Variants in FRMPD2 observed in about 807,000 individuals in gnomAD.
FRMPD2 encodes FERM and PDZ domain containing 2.
A neutral mutation model predicts 140.1 loss-of-function variants in FRMPD2; 96 were observed. The ratio of observed to expected loss-of-function variants is 0.69; its 90% CI spans 0.58 to 0.81. The LOEUF (loss-of-function observed/expected upper bound fraction) is 0.81, where lower values mean the gene tolerates loss of function less well. FRMPD2 is among the 40% of genes least tolerant of loss of function. FRMPD2 has a pLI of 0.00. For missense variants in FRMPD2, 1,240 were observed against 1,447.4 expected (o/e 0.86, Z 2.32); for synonymous variants, 449 against 547.6 (o/e 0.82, Z 2.52).
chr10:48,171,465 G>T (rs1554791674), intron 25 of FRMPD2, among the ~76,000 whole-genome samples: 8 of 152,050 alleles, frequency 5.3e-5, no homozygotes, highest in Admixed American at 4.6e-4. Flanking sequence ...AAAGGAAAAA[G>T]CAAACAAAAA....
intron 1 of FRMPD2, among the ~76,000 whole-genome samples, chr10:48,266,162 T>A (rs912352948): frequency 1.3e-5 from 2 of 152,118 alleles, no homozygotes; most frequent in Non-Finnish European, 2.9e-5. Context: ...GGGAGCTAAA[T>A]GATGAGAACA....
intron 1 of FRMPD2, among the ~76,000 whole-genome samples, chr10:48,259,005 C>CA (rs1840533922): frequency 6.6e-6 from 1 of 152,224 alleles, no homozygotes; most frequent in Admixed American, 6.5e-5. Context: ...AGCAGACTGT[C>CA]TTCTTGACAT....
chr10:48,262,403 G>T (rs1840607592), intron 1 of FRMPD2, among the ~76,000 whole-genome samples: 2 of 152,116 alleles, frequency 1.3e-5, no homozygotes. Flanking sequence ...ATACAAAGGG[G>T]TATTACATAA....
chr10:48,171,365 A>G (rs1488879827), intron 25 of FRMPD2, among the ~76,000 whole-genome samples, 157 bp from the exon 26 acceptor site: 3 of 151,766 alleles, frequency 2.0e-5, no homozygotes, highest in Admixed American at 6.6e-5. Flanking sequence ...TGTATGTTAT[A>G]GATTAGTGCT....
Position 48,184,670 on chromosome 10 carries a change from A to G in FRMPD2, c.2480T>C (p.Leu827Pro). Residue 827 changes from leucine (L) to proline (P), a missense_variant, in exon 20 of 29, where the codon CTA (leucine) becomes CCA (proline). This residue lies in a region of FRMPD2 where 1,161 missense variants were observed against 1,055.9 expected (regional missense o/e 1.10). Coordinates refer to ENST00000374201, the MANE Select transcript of FRMPD2 (RefSeq NM_001018071.4). ...AKTIKPGGQI[L>P]ALNHISLEGF... ...CTCCAGACTGATGTGATTCAGGGCTAGTATCTGCCCTCCTAGAAAAATAAA... is the reference window on the plus strand; with the variant it reads ...CTCCAGACTGATGTGATTCAGGGCTGGTATCTGCCCTCCTAGAAAAATAAA... The G allele has an allele frequency of 2.5e-6, 4 of 1,610,316 alleles. No individual in the cohort carries two copies. Among genetic ancestry groups the G allele is most frequent in the Non-Finnish European group, 3.4e-6 (4 of 1,176,694 alleles).
At chr10:48,227,082 G>T (rs1383884748) in intron 10 of FRMPD2, among the ~76,000 whole-genome samples, 1 of 152,196 alleles carries the variant, frequency 6.6e-6, no homozygotes, top group African/African-American at 2.4e-5. Context: ...TCTATGGATA[G>T]TGCCTAGCTA....
At chr10:48,254,311 A>G (rs1730444) in intron 1 of FRMPD2, among the ~76,000 whole-genome samples, 6,799 of 152,274 alleles carry the variant, frequency 0.045, 501 homozygotes, top group African/African-American at 0.15. Context: ...AATAATCTGC[A>G]AGCTAGCAGG....
chr10:48,161,815 C>T (rs2262141), intron 28 of FRMPD2, among the ~76,000 whole-genome samples: 1 of 146,022 alleles, frequency 6.8e-6, no homozygotes, highest in Admixed American at 6.8e-5. Context: ...GATTTTCTGT[C>T]GTTTAATGAA....
chr10:48,189,569 G>A (rs1838779985), intron 16 of FRMPD2, among the ~76,000 whole-genome samples: 1 of 152,190 alleles, frequency 6.6e-6, no homozygotes, highest in African/African-American at 2.4e-5. Context: ...CCCCATGTGG[G>A]CCACCTCTCC....
chr10:48,242,185 G>A lies in FRMPD2; in HGVS notation c.543C>T (p.Gly181=), dbSNP rs766643106. The A allele has an allele frequency of 1.2e-6, 2 of 1,613,690 alleles. No individual in the cohort carries two copies. Among genetic ancestry groups the A allele is most frequent in the South Asian group, 2.2e-5 (2 of 90,960 alleles). Residue 181 remains glycine (G), a synonymous_variant, in exon 5 of 29, where the codon GGC becomes GGT. Coordinates refer to ENST00000374201, the MANE Select transcript of FRMPD2 (RefSeq NM_001018071.4). Reference sequence around the variant, plus strand: ...CCTCAGAAATGGTACCCAGAACCAAGCCAACCAGCCTTCTGATGTGGAGAC... The same window carrying A: ...CCTCAGAAATGGTACCCAGAACCAAACCAACCAGCCTTCTGATGTGGAGAC... The part of the protein sequence containing the change: ...PAGLHIRRLV[G]LVLGTISEVE...
At chr10:48,178,665 G>T (rs868951925) in intron 21 of FRMPD2, among the ~76,000 whole-genome samples, 1 of 152,170 alleles carries the variant, frequency 6.6e-6, no homozygotes, top group Middle Eastern at 3.2e-3. Context: ...TCTGGGTTGG[G>T]TCCTACAGCC....
In FRMPD2 at chr10:48,232,126, G is replaced by A. The variant is rs768541780; in HGVS notation, c.1157C>T (p.Ala386Val). The change falls in exon 10 of 29, where the codon GCG becomes GTG. Residue 386 changes from alanine to valine, a missense_variant. This residue lies in a region of FRMPD2 where 1,161 missense variants were observed against 1,055.9 expected (regional missense o/e 1.10). Transcript: ENST00000374201. ...CAAGAGATGCTTACTTTTCATATAC[G>A]CCAAGCCAAAGTAGGTGAGTTCCTC... ...NLEELTYFGL[A>V]YMKSKEFFFL... is the part of the protein sequence containing the mutation. The A allele has an allele frequency of 5.6e-6, 9 of 1,614,134 alleles. No homozygotes were observed. The highest frequency in any genetic ancestry group is 3.3e-5 in the South Asian group (3 of 91,080).
At chr10:48,238,666 G>A (rs895898748) in intron 7 of FRMPD2, among the ~76,000 whole-genome samples, 13 of 152,314 alleles carry the variant, frequency 8.5e-5, no homozygotes, top group Middle Eastern at 3.4e-3. Context: ...GCCCTCAACA[G>A]GTCACCATGT....
At chr10:48,212,697 C>T (rs1324947799) in intron 12 of FRMPD2, among the ~76,000 whole-genome samples, 1 of 152,058 alleles carries the variant, frequency 6.6e-6, no homozygotes, top group East Asian at 1.9e-4. Flanking sequence ...AAGGAGTAGC[C>T]CCCTGGAAAA....
intron 1 of FRMPD2, among the ~76,000 whole-genome samples, chr10:48,256,903 G>A (rs1840500675): frequency 6.6e-6 from 1 of 152,188 alleles, no homozygotes; most frequent in Admixed American, 6.5e-5. Context: ...ATGGTTTCCT[G>A]TGCCTTCTAT....
intron 22 of FRMPD2, chr10:48,177,631 G>A (rs1838443439): frequency 1.1e-5 from 2 of 177,750 alleles, no homozygotes; most frequent in South Asian, 2.6e-4. Flanking sequence ...TGAGCAAGAG[G>A]CTCCACACTG....
intron 22 of FRMPD2, chr10:48,177,343 C>T (rs1396507108): frequency 6.6e-6 from 1 of 151,110 alleles, no homozygotes; most frequent in Admixed American, 6.6e-5. Context: ...AATCTCCTGA[C>T]CTTGCGATCC....
chr10:48,183,764 A>G (rs946298449), intron 20 of FRMPD2, among the ~76,000 whole-genome samples: 1 of 146,646 alleles, frequency 6.8e-6, no homozygotes, highest in Non-Finnish European at 1.5e-5. Context: ...AGGCAGGAGA[A>G]TTGCTTGAAC....
chr10:48,228,641 T>C (rs1839779720), intron 10 of FRMPD2, among the ~76,000 whole-genome samples: 1 of 151,996 alleles, frequency 6.6e-6, no homozygotes, highest in South Asian at 2.1e-4. Context: ...GCTTACTTTC[T>C]AGTTTTCTGG....
Sources: gnomAD v4.1 joint callset for allele counts (sites outside exome capture counted in the v4.1 genomes callset) on GRCh38, gnomAD v4.1.1 for gene constraint, gnomAD v4.1.1 regional missense constraint, MANE v1.5 for transcripts, NCBI Gene and HGNC (gene_info 2026-07-23, HGNC 2026-07-21) for gene names.